Variants in AIG1 observed in about 807,000 individuals in gnomAD.
AIG1 encodes the protein androgen-induced gene 1 protein.
In AIG1, 23 loss-of-function variants were observed where a neutral mutation model predicts 31.4. That is an observed-to-expected ratio of 0.73 (90% CI 0.53 to 1.04). The LOEUF is 1.04. AIG1 is among the 50% of genes least tolerant of loss of function. The pLI, the probability that AIG1 is intolerant of heterozygous loss-of-function variation, is 0.00. For synonymous variants in AIG1, 100 were observed against 110.5 expected, an observed-to-expected ratio of 0.90 and a Z score of 0.60; for missense variants, 274 against 295.0, an observed-to-expected ratio of 0.93 and a Z score of 0.52.
chr6:143,214,043 A>AATAAAACAT (rs1213480760), intron 3 of AIG1, among the ~76,000 whole-genome samples: 4 of 152,200 alleles, frequency 2.6e-5, no homozygotes, highest in African/African-American at 9.6e-5. Flanking sequence ...ACAAAAGTAT[A>AATAAAACAT]ATAAAACATA....
chr6:143,210,270 C>T (rs533032129), intron 3 of AIG1, among the ~76,000 whole-genome samples: 2 of 152,324 alleles, frequency 1.3e-5, no homozygotes, highest in Admixed American at 1.3e-4. Context: ...ATGAGTCAAA[C>T]CTTTTTCCTT....
intron 4 of AIG1, among the ~76,000 whole-genome samples, chr6:143,306,989 A>G (rs1041551514): frequency 4.6e-5 from 7 of 152,166 alleles, no homozygotes; most frequent in African/African-American, 1.7e-4. Flanking sequence ...CCAGTTGATC[A>G]CATCGGCTCC....
chr6:143,075,966 T>G (rs1172542208), intron 1 of AIG1, among the ~76,000 whole-genome samples: 1 of 152,206 alleles, frequency 6.6e-6, no homozygotes, highest in Non-Finnish European at 1.5e-5. Context: ...TTTAAATTTG[T>G]TAAGTTTGGT....
chr6:143,082,332 C>T (rs1228500969), intron 1 of AIG1, among the ~76,000 whole-genome samples: 3 of 152,176 alleles, frequency 2.0e-5, no homozygotes, highest in Non-Finnish European at 2.9e-5. Flanking sequence ...AAGTTGAGGT[C>T]GGGATCAGTC....
chr6:143,171,538 TTA>T (rs1297469917), intron 3 of AIG1, among the ~76,000 whole-genome samples: 144 of 132,002 alleles, frequency 1.1e-3, no homozygotes, highest in African/African-American at 3.8e-3. Context: ...AATATATATA[TTA>T]TATATATATA....
chr6:143,142,106 C>T (rs1039812590), intron 2 of AIG1, among the ~76,000 whole-genome samples: 31 of 151,978 alleles, frequency 2.0e-4, no homozygotes, highest in African/African-American at 6.8e-4. Context: ...GGCAGGGTTT[C>T]GCCCTGTTGC....
At chr6:143,259,908 G>C (rs1795629217) in intron 3 of AIG1, among the ~76,000 whole-genome samples, 1 of 151,964 alleles carries the variant, frequency 6.6e-6, no homozygotes, top group African/African-American at 2.4e-5. Context: ...CATAAGATTT[G>C]AATGTAGTGA....
intron 3 of AIG1, among the ~76,000 whole-genome samples, chr6:143,247,340 C>A (rs1198933735): frequency 2.0e-5 from 3 of 152,210 alleles, no homozygotes; most frequent in Non-Finnish European, 4.4e-5. Context: ...CCATGTTAGC[C>A]AGGATGGTCT....
At position 143,165,064 on chromosome 6, in the gene AIG1, A is replaced by ATTT. The variant is rs757886213; in HGVS notation, c.298-17_298-15dup. 6 of 1,555,256 alleles carry ATTT rather than the reference A, an allele frequency of 3.9e-6. No individual in the cohort carries two copies. The highest frequency in any genetic ancestry group is 5.3e-6 in the Non-Finnish European group (6 of 1,128,516). On this transcript the variant is annotated splice_polypyrimidine_tract_variant and intron_variant, in intron 2 of 5. Coordinates refer to ENST00000357847, the MANE Select transcript of AIG1 (RefSeq NM_016108.4). ...ATAGTCGATGAACTTGAAATAAAAG[A>ATTT]TTTCTTTTTCCTTCCAGTTTGTTGT...
intron 1 of AIG1, among the ~76,000 whole-genome samples, chr6:143,103,593 C>T (rs1780518601): frequency 6.7e-6 from 1 of 148,234 alleles, no homozygotes; most frequent in African/African-American, 2.5e-5. Flanking sequence ...CTGCAAGCTC[C>T]GCCTCCCGGG....
At chr6:143,248,801 C>A (rs1794787301) in intron 3 of AIG1, among the ~76,000 whole-genome samples, 2 of 152,124 alleles carry the variant, frequency 1.3e-5, no homozygotes, top group Admixed American at 1.3e-4. Context: ...GCATGAGCAA[C>A]CATATTTTTA....
Position 143,165,142 on chromosome 6 carries a change from C to T in AIG1, c.358C>T (p.Leu120=). 5.6e-6 allele frequency: 9 copies of T among 1,613,626 alleles called. No individual in the cohort carries two copies. Among genetic ancestry groups the T allele is most frequent in the Non-Finnish European group, 7.6e-6 (9 of 1,179,638 alleles). Residue 120 remains leucine, a synonymous_variant, in exon 3 of 6, where the codon CTG becomes TTG. Coordinates refer to ENST00000357847, the MANE Select transcript of AIG1 (RefSeq NM_016108.4). ...TGACAGAGAGATGATATACCCGAAG[C>T]TGCTGGATAATTTTATCCCAGGGTG... The part of the protein sequence containing the change: ...AYDREMIYPK[L]LDNFIPGWLN...
At position 143,333,300 on chromosome 6, in the gene AIG1, T is replaced by A; in HGVS notation, c.534T>A (p.His178Gln). The A allele has an allele frequency of 1.9e-6, 3 of 1,612,420 alleles. No homozygotes were observed. Among genetic ancestry groups the A allele is most frequent in the Non-Finnish European group, 2.5e-6 (3 of 1,179,376 alleles). ...TTTGCAGGGTGTGCTGGGTGCATCA[T>A]GTAACTGGCATGTGGGTGTACCCTT... is the stretch of plus-strand genomic sequence containing the variant. The part of the protein sequence containing the change: ...GYILWVCWVH[H>Q]VTGMWVYPFL... Residue 178 changes from histidine (H) to glutamine (Q), a missense_variant, in exon 5 of 6, where the codon CAT (histidine) becomes CAA (glutamine). By Grantham distance (24) the His-to-Gln change is conservative (BLOSUM62 0). Transcript: ENST00000357847. The surrounding 1 kb of genome is among the most constrained non-coding windows in gnomAD (Gnocchi z 4.6).
Position 143,327,278 on chromosome 6 carries a change from G to A in AIG1, c.516-6004G>A, listed in dbSNP as rs149686424. Reference sequence around the variant, plus strand: ...TTTCCAACTTGGGCCTGGCAGAATGGTTCTCACAAAGAAGGATGGCAAGAC... The same window carrying A: ...TTTCCAACTTGGGCCTGGCAGAATGATTCTCACAAAGAAGGATGGCAAGAC... On this transcript the variant is annotated intron_variant, in intron 4 of 5. Transcript: ENST00000357847. This position sits in a 1 kb window ranked among gnomAD's most constrained non-coding sequence, Gnocchi z 5.3. 1.9e-5 allele frequency: 4 copies of A among 208,234 alleles called. No homozygotes were observed. In the East Asian group the frequency reaches 5.6e-4, roughly 29 times the overall value. 12.9% of individuals were successfully genotyped at this position (208,234 alleles called of 1,614,324 possible). A position where few individuals can be genotyped will look rare whatever the true frequency, so the allele number is the denominator to read the frequency against.
chr6:143,113,549 G>A (rs1225122495), intron 1 of AIG1, among the ~76,000 whole-genome samples: 7 of 150,412 alleles, frequency 4.7e-5, no homozygotes, highest in Non-Finnish European at 1.0e-4. Context: ...GTTGTGGTCA[G>A]CCGAGATCAC....
chr6:143,194,361 G>T lies in AIG1; in HGVS notation c.399+29178G>T, dbSNP rs77716025. On this transcript the variant is annotated intron_variant, in intron 3 of 5. Coordinates refer to ENST00000357847, the MANE Select transcript of AIG1 (RefSeq NM_016108.4). ...ATAGCATGGGGCAAACTGCCCCCAT[G>T]ATCCCATCACCACCCACGAGTTCCC... is the stretch of plus-strand genomic sequence containing the variant. Among the ~76,000 whole-genome samples the T allele has an allele frequency of 1.1e-4, 17 of 152,278 alleles. No homozygotes were observed. In the East Asian group the frequency reaches 3.3e-3, roughly 29 times the overall value.
Position 143,287,006 on chromosome 6 carries a change from C to T in AIG1, c.515+2781C>T, listed in dbSNP as rs146843585. ...CAAGCTTAGCATCTAAAGGCCATCCCGGTCTCCTTCCGTGATGACTTCTGC... is the reference window on the plus strand; with the variant it reads ...CAAGCTTAGCATCTAAAGGCCATCCTGGTCTCCTTCCGTGATGACTTCTGC... On this transcript the variant is annotated intron_variant, in intron 4 of 5. Transcript: ENST00000357847. 5.4e-3 allele frequency among the ~76,000 whole-genome samples: 824 copies of T among 151,892 alleles called. 3 individuals are homozygous for T. The highest frequency in any genetic ancestry group is 0.017 in the Middle Eastern group (5 of 292).
At chr6:143,271,427 C>T (rs987046556) in intron 3 of AIG1, among the ~76,000 whole-genome samples, 14 of 152,200 alleles carry the variant, frequency 9.2e-5, no homozygotes, top group African/African-American at 3.4e-4. Flanking sequence ...TTAAATCAGG[C>T]TTTAAAGGTT....
At chr6:143,074,706 G>C (rs1056155954) in intron 1 of AIG1, among the ~76,000 whole-genome samples, 4 of 152,150 alleles carry the variant, frequency 2.6e-5, no homozygotes, top group African/African-American at 9.7e-5. Context: ...TGCATTTGTG[G>C]GGTGAATGCT....
Sources: allele counts gnomAD v4.1 joint callset (sites outside exome capture counted in the v4.1 genomes callset), GRCh38; gene constraint gnomAD v4.1.1; non-coding constraint Gnocchi (gnomAD v3.1); transcripts MANE v1.5; gene names NCBI Gene and HGNC (gene_info 2026-07-23, HGNC 2026-07-21).